Variants in SCLT1 observed in about 807,000 individuals in gnomAD.
The protein encoded by SCLT1 is sodium channel-associated protein 1.
SCLT1 carries 78 observed loss-of-function variants against 112.8 expected under a neutral mutation model. The ratio of observed to expected loss-of-function variants is 0.69; its 90% CI spans 0.58 to 0.83. The LOEUF (loss-of-function observed/expected upper bound fraction) is 0.83. Among genes scored for constraint, SCLT1 ranks in the 40% least tolerant of loss-of-function variants. The pLI is 0.00. For missense variants in SCLT1, 747 were observed against 770.4 expected, an observed-to-expected ratio of 0.97 and a Z score of 0.36; for synonymous variants, 257 against 254.7, an observed-to-expected ratio of 1.01 and a Z score of -0.09.
intron 9 of SCLT1, among the ~76,000 whole-genome samples, chr4:128,975,040 C>CTTTT (rs34603915): frequency 0.061 from 5,308 of 86,960 alleles, 991 homozygotes; most frequent in Middle Eastern, 0.09. Context: ...TGAATGACAA[C>CTTTT]TTTTTTTTTT....
intron 2 of SCLT1, among the ~76,000 whole-genome samples, chr4:129,057,406 ATTCTT>A (rs1749506197): frequency 7.2e-6 from 1 of 138,752 alleles, no homozygotes; most frequent in Non-Finnish European, 1.6e-5. Flanking sequence ...AATTAATATT[ATTCTT>A]TTTTTTTTTT....
chr4:128,965,111 T>C, intron 11 of SCLT1, 116 bp downstream of exon 11: 2 of 596,610 alleles, frequency 3.4e-6, no homozygotes, highest in Non-Finnish European at 6.0e-6. Context: ...CCTATGATTA[T>C]AGTTTTGATT....
chr4:128,965,147 G>A, intron 11 of SCLT1, 80 bp downstream of exon 11: 1 of 709,548 alleles, frequency 1.4e-6, no homozygotes, highest in South Asian at 1.8e-5. Context: ...ATTTATTCTA[G>A]TAAATATCAC....
chr4:128,902,495 C>T (rs1307310690), intron 18 of SCLT1, among the ~76,000 whole-genome samples: 1 of 151,918 alleles, frequency 6.6e-6, no homozygotes, highest in African/African-American at 2.4e-5. Context: ...TGTAAGTTTT[C>T]GTGTATCTAC....
intron 5 of SCLT1, chr4:129,038,026 G>T: frequency 6.5e-6 from 1 of 152,998 alleles, no homozygotes; most frequent in Non-Finnish European, 1.5e-5. Context: ...CCCAGCTACT[G>T]GGGAGGCTGA....
chr4:129,066,033 C>A (rs1750456576), intron 2 of SCLT1, among the ~76,000 whole-genome samples: 1 of 151,806 alleles, frequency 6.6e-6, no homozygotes, highest in Non-Finnish European at 1.5e-5. Context: ...AAAAACAGAG[C>A]CCTGTCCTAA....
At chr4:128,933,577 A>G (rs1736947673) in intron 18 of SCLT1, among the ~76,000 whole-genome samples, 1 of 152,048 alleles carries the variant, frequency 6.6e-6, no homozygotes, top group Non-Finnish European at 1.5e-5. Context: ...CAAATCTGTA[A>G]TCAATCATTT....
At chr4:128,944,674 G>A (rs890846731) in intron 16 of SCLT1, 1 of 152,110 alleles carries the variant, frequency 6.6e-6, no homozygotes, top group African/African-American at 2.4e-5. Context: ...CCCTTTAAAT[G>A]AAGTAACTAA....
At chr4:128,943,341 TTA>T (rs1415508464) in intron 16 of SCLT1, among the ~76,000 whole-genome samples, 153 bp from the exon 17 acceptor site, 2 of 152,188 alleles carry the variant, frequency 1.3e-5, no homozygotes, top group African/African-American at 4.8e-5. Context: ...TTTCAAAATG[TTA>T]TGTTATACCA....
intron 18 of SCLT1, among the ~76,000 whole-genome samples, chr4:128,924,007 T>A (rs1280549009): frequency 1.3e-5 from 2 of 151,982 alleles, no homozygotes; most frequent in African/African-American, 4.8e-5. Flanking sequence ...AGAGACGAGG[T>A]CTCACTCTGT....
intron 6 of SCLT1, among the ~76,000 whole-genome samples, chr4:129,002,038 TATCAAGCTA>T (rs1743537589): frequency 6.6e-6 from 1 of 152,064 alleles, no homozygotes; most frequent in Admixed American, 6.6e-5. Flanking sequence ...ACATGTTCCT[TATCAAGCTA>T]AATATAGCCT....
At chr4:128,887,143 T>A (rs1035377817) in intron 20 of SCLT1, among the ~76,000 whole-genome samples, 6 of 152,158 alleles carry the variant, frequency 3.9e-5, no homozygotes, top group African/African-American at 1.4e-4. Flanking sequence ...TTTTACTTAA[T>A]GGCACTAAAT....
At chr4:128,875,765 CTAAT>C (rs1732504974) in intron 4 of SCLT1, among the ~76,000 whole-genome samples, 1 of 152,136 alleles carries the variant, frequency 6.6e-6, no homozygotes, top group Non-Finnish European at 1.5e-5. Flanking sequence ...AATATTTTAA[CTAAT>C]GAGCTTTCTG....
At chr4:129,029,142 A>G (rs1392454568) in intron 5 of SCLT1, among the ~76,000 whole-genome samples, 2 of 152,172 alleles carry the variant, frequency 1.3e-5, no homozygotes, top group Non-Finnish European at 1.5e-5. Context: ...ATCTAGAACT[A>G]GAAATACCAT....
At chr4:129,077,069 A>G (rs1428060839) in intron 2 of SCLT1, among the ~76,000 whole-genome samples, 1 of 152,140 alleles carries the variant, frequency 6.6e-6, no homozygotes, top group Non-Finnish European at 1.5e-5. Flanking sequence ...CGTAAAGTAT[A>G]GTTAGCTACC....
At chr4:128,913,817 A>G (rs1234098639) in intron 18 of SCLT1, among the ~76,000 whole-genome samples, 1 of 152,080 alleles carries the variant, frequency 6.6e-6, no homozygotes, top group Non-Finnish European at 1.5e-5. Context: ...CTCTTGTTTA[A>G]TTTGAGACCA....
chr4:128,972,969 G>C (rs981124857), intron 9 of SCLT1, among the ~76,000 whole-genome samples: 1 of 152,112 alleles, frequency 6.6e-6, no homozygotes, highest in Non-Finnish European at 1.5e-5. Context: ...GCCTCAAAGA[G>C]TCTCATCTCT....
At chr4:129,005,667 T>C (rs1299449587) in intron 5 of SCLT1, among the ~76,000 whole-genome samples, 2 of 152,024 alleles carry the variant, frequency 1.3e-5, no homozygotes, top group Non-Finnish European at 2.9e-5. Context: ...CATTACTGGG[T>C]ATATACCCAA....
intron 11 of SCLT1, among the ~76,000 whole-genome samples, chr4:128,960,716 C>T (rs1359822632): frequency 6.6e-6 from 1 of 150,770 alleles, no homozygotes; most frequent in Admixed American, 6.6e-5. Context: ...GTCAGGAGAT[C>T]GAGACCATCC....
Sources: allele counts gnomAD v4.1 joint callset (sites outside exome capture counted in the v4.1 genomes callset), GRCh38; gene constraint gnomAD v4.1.1; transcripts MANE v1.5; gene names NCBI Gene and HGNC (gene_info 2026-07-23, HGNC 2026-07-21).